Variants in FUCA1 observed in about 807,000 individuals in gnomAD.
FUCA1 encodes the protein alpha-L-fucosidase 1.
Under a neutral mutation model 56.8 loss-of-function variants are expected in FUCA1, and 52 were observed. That is an observed-to-expected ratio of 0.92 (90% CI 0.73 to 1.15). FUCA1 has a LOEUF of 1.15. Among genes scored for constraint, FUCA1 ranks in the 50% most tolerant of loss-of-function variants. The pLI is 0.00. For synonymous variants in FUCA1, 230 were observed against 226.6 expected (o/e 1.02, Z -0.14); for missense variants, 568 against 592.6 (o/e 0.96, Z 0.43).
At chr1:23,863,416 CTTAAA>C (rs1639550705) in intron 2 of FUCA1, 145 bp from the exon 3 acceptor site, 2 of 785,488 alleles carry the variant, frequency 2.5e-6, no homozygotes, top group Admixed American at 5.9e-5. Flanking sequence ...AAACCATTTC[CTTAAA>C]TTATTCACTA....
rs1639646326 is a variant in FUCA1 at position 23,867,413 on chromosome 1, A to G, written c.389+485T>C. 6.6e-6 allele frequency among the ~76,000 whole-genome samples: 1 copy of G among 152,038 alleles called. No homozygotes were observed. Among genetic ancestry groups the G allele is most frequent in the African/African-American group, 2.4e-5 (1 of 41,402 alleles). On this transcript the variant is annotated intron_variant, in intron 1 of 7. Coordinates refer to ENST00000374479, the MANE Select transcript of FUCA1 (RefSeq NM_000147.5). This position sits in a 1 kb window ranked among gnomAD's most constrained non-coding sequence, Gnocchi z 4.9. ...GTACTGTTGCCCAAATACACTGCACACCAGAACTCCCCTCTCTTTCCCTCT... is the reference window on the plus strand; with the variant it reads ...GTACTGTTGCCCAAATACACTGCACGCCAGAACTCCCCTCTCTTTCCCTCT...
chr1:23,850,316 CAAAA>C (rs11425085), intron 5 of FUCA1, among the ~76,000 whole-genome samples: 1 of 129,490 alleles, frequency 7.7e-6, no homozygotes, highest in Non-Finnish European at 1.6e-5. Context: ...AATTCCATCT[CAAAA>C]AAAAAAAAAA....
intron 5 of FUCA1, among the ~76,000 whole-genome samples, chr1:23,852,961 T>C (rs1456741078): frequency 2.7e-5 from 4 of 147,636 alleles, no homozygotes; most frequent in Non-Finnish European, 5.9e-5. Context: ...GAGGAGCCCC[T>C]CTGCCTGGCT....
chr1:23,851,417 C>CATAT (rs1188164680), intron 5 of FUCA1, among the ~76,000 whole-genome samples: 1 of 151,926 alleles, frequency 6.6e-6, no homozygotes, highest in Non-Finnish European at 1.5e-5. Flanking sequence ...TACATACATA[C>CATAT]ATACATACAT....
At chr1:23,865,749 G>A in intron 1 of FUCA1, 124 bp from the exon 2 acceptor site, 1 of 1,071,056 alleles carries the variant, frequency 9.3e-7, no homozygotes, top group Non-Finnish European at 1.4e-6. Context: ...ACTTGTACCA[G>A]TGACTATATT....
chr1:23,851,799 T>C (rs1027903684), intron 5 of FUCA1, among the ~76,000 whole-genome samples: 3 of 140,132 alleles, frequency 2.1e-5, no homozygotes, highest in Non-Finnish European at 4.8e-5. Flanking sequence ...TAAGTGGGAG[T>C]TGAACAATGA....
chr1:23,855,346 A>G (rs1191456710), intron 4 of FUCA1, among the ~76,000 whole-genome samples: 1 of 152,176 alleles, frequency 6.6e-6, no homozygotes, highest in Admixed American at 6.5e-5. Context: ...AAATACAAAA[A>G]ATTAGCTGGG....
At chr1:23,852,632 C>G (rs575977399) in intron 5 of FUCA1, among the ~76,000 whole-genome samples, 2 of 152,270 alleles carry the variant, frequency 1.3e-5, no homozygotes, top group East Asian at 3.9e-4. Context: ...CGCGCCACCA[C>G]GCCTGACTGG....
chr1:23,854,297 A>G, intron 5 of FUCA1, 63 bp downstream of exon 5: 1 of 1,345,222 alleles, frequency 7.4e-7, no homozygotes, highest in Non-Finnish European at 1.1e-6. Flanking sequence ...CATTATATAA[A>G]ATAAATCATA....
chr1:23,864,087 CTTT>C (rs765991884), intron 2 of FUCA1, among the ~76,000 whole-genome samples: 5 of 131,042 alleles, frequency 3.8e-5, no homozygotes, highest in Non-Finnish European at 3.2e-5. Context: ...TCTTTTTTTC[CTTT>C]TTTTTTTTTT....
chr1:23,867,798 G>A lies in FUCA1; in HGVS notation c.389+100C>T. The A allele has an allele frequency of 6.9e-7, 1 of 1,443,812 alleles. No homozygotes were observed. Among genetic ancestry groups the A allele is most frequent in the Non-Finnish European group, 9.0e-7 (1 of 1,107,594 alleles). The allele number at this position is 1,443,812 out of a possible 1,614,324, so 89.4% of individuals were successfully genotyped here. A position where few individuals can be genotyped will look rare whatever the true frequency, so the allele number is the denominator to read the frequency against. ...GCCACACGCGGGCCCCGGGGTCATGGGGGCGACCGGCAGCTGCGCGCCCCA... is the reference window on the plus strand; with the variant it reads ...GCCACACGCGGGCCCCGGGGTCATGAGGGCGACCGGCAGCTGCGCGCCCCA... On this transcript the variant is annotated intron_variant, in intron 1 of 7. Transcript: ENST00000374479. The surrounding 1 kb of genome is among the most constrained non-coding windows in gnomAD (Gnocchi z 4.9).
intron 5 of FUCA1, among the ~76,000 whole-genome samples, chr1:23,849,145 G>A (rs1176463146): frequency 6.6e-6 from 1 of 151,968 alleles, no homozygotes; most frequent in Non-Finnish European, 1.5e-5. Flanking sequence ...ACCACATCCA[G>A]CTAATATCAT....
chr1:23,854,392 ACAATG>A lies in FUCA1; in HGVS notation c.932_936del (p.Ala311ValfsTer2). 4 of 1,614,120 alleles carry A rather than the reference ACAATG, an allele frequency of 2.5e-6. No individual in the cohort carries two copies. Among genetic ancestry groups the A allele is most frequent in the Non-Finnish European group, 3.4e-6 (4 of 1,180,020 alleles). ...ATTTCAGATTCTTCTGTAACATCAG[ACAATG>A]CCATGTCACGACGATAGCCCCAGGA... On this transcript the variant is annotated frameshift_variant, in exon 5 of 8. Coordinates refer to ENST00000374479, the MANE Select transcript of FUCA1 (RefSeq NM_000147.5). LOFTEE classifies it high-confidence loss of function.
chr1:23,861,427 A>G (rs1639511928), intron 3 of FUCA1, among the ~76,000 whole-genome samples: 1 of 151,476 alleles, frequency 6.6e-6, no homozygotes, highest in African/African-American at 2.4e-5. Flanking sequence ...CCTAAAACTT[A>G]AAGTATAATA....
intron 1 of FUCA1, 89 bp from the exon 2 acceptor site, chr1:23,865,714 G>T: frequency 7.2e-7 from 1 of 1,391,078 alleles, no homozygotes; most frequent in Non-Finnish European, 1.0e-6. Flanking sequence ...TTAAATAGCT[G>T]AAAGAACTTG....
intron 5 of FUCA1, among the ~76,000 whole-genome samples, chr1:23,850,993 G>C (rs1639243973): frequency 6.6e-6 from 1 of 151,768 alleles, no homozygotes; most frequent in Non-Finnish European, 1.5e-5. Flanking sequence ...TGGCCAGGCT[G>C]GTCTTGAACT....
In FUCA1 at chr1:23,848,671, C is replaced by G. The variant is rs80358195; in HGVS notation, c.1138G>C (p.Glu380Gln). 1.4e-4 allele frequency: 222 copies of G among 1,614,014 alleles called. No homozygotes were observed. The highest frequency in any genetic ancestry group is 1.9e-4 in the Non-Finnish European group (221 of 1,180,020). ...CACCATACAGATGTTGTGTTCTTTT[C>G]CCATTGCACCCGCCATGGTTTGGAG... ...YASKPWRVQW[E>Q]KNTTSVWYTS... The change falls in exon 6 of 8, where the codon GAA becomes CAA. Residue 380 changes from glutamate (E) to glutamine (Q), a missense_variant. Transcript: ENST00000374479.
chr1:23,855,394 G>A (rs773686360), intron 4 of FUCA1, among the ~76,000 whole-genome samples: 2 of 152,208 alleles, frequency 1.3e-5, no homozygotes, highest in Non-Finnish European at 2.9e-5. Flanking sequence ...CTATTTGGGA[G>A]GCTGAGGCAG....
intron 6 of FUCA1, among the ~76,000 whole-genome samples, chr1:23,846,926 A>G (rs1639156266): frequency 6.6e-6 from 1 of 151,656 alleles, no homozygotes; most frequent in Non-Finnish European, 1.5e-5. Context: ...GTGTTGCCCA[A>G]CACAACTTGC....
Sources: allele counts gnomAD v4.1 joint callset (sites outside exome capture counted in the v4.1 genomes callset), GRCh38; gene constraint gnomAD v4.1.1; non-coding constraint Gnocchi (gnomAD v3.1); transcripts MANE v1.5; gene names NCBI Gene and HGNC (gene_info 2026-07-23, HGNC 2026-07-21).